The following PCDHA1 variants were observed in gnomAD, a reference collection of about 807,000 sequenced individuals.
The protein encoded by PCDHA1 is protocadherin alpha 1, also known as protocadherin alpha-1.
PCDHA1 carries 42 observed loss-of-function variants against 61.3 expected under a neutral mutation model. The observed-to-expected ratio is 0.69, with a 90% CI of 0.54 to 0.89. The LOEUF is 0.89. PCDHA1 is among the 40% of genes least tolerant of loss of function. PCDHA1 has a pLI of 0.00. For synonymous variants in PCDHA1, 610 were observed against 553.8 expected, an observed-to-expected ratio of 1.10 and a Z score of -1.43; for missense variants, 1,256 against 1,235.3, an observed-to-expected ratio of 1.02 and a Z score of -0.25.
At chr5:140,883,502 G>T in intron 1 of PCDHA1, 1 of 1,614,160 alleles carries the variant, frequency 6.2e-7, no homozygotes, top group Non-Finnish European at 8.5e-7. Context: ...GCTGGACAGC[G>T]CCCTGGACCG....
chr5:140,849,715 T>A (rs2150446343), intron 1 of PCDHA1: 2 of 1,598,584 alleles, frequency 1.3e-6, no homozygotes. Context: ...TACTACTCGT[T>A]GGTGCTGGAC....
chr5:140,928,998 CGT>C, intron 1 of PCDHA1: 1 of 1,613,902 alleles, frequency 6.2e-7, no homozygotes. Flanking sequence ...TACTTTTCTT[CGT>C]GTGTACCAAG....
intron 1 of PCDHA1, chr5:140,823,017 C>T: frequency 6.2e-7 from 1 of 1,614,228 alleles, no homozygotes; most frequent in Admixed American, 1.7e-5. Context: ...CCCTGGACCG[C>T]GAGAGCGTGT....
At chr5:140,963,198 A>G (rs2095745338) in intron 1 of PCDHA1, among the ~76,000 whole-genome samples, 1 of 151,784 alleles carries the variant, frequency 6.6e-6, no homozygotes, top group South Asian at 2.1e-4. Context: ...GTGAAAATGA[A>G]AAAAAAAACC....
At chr5:140,903,149 T>C (rs1329505317) in intron 1 of PCDHA1, among the ~76,000 whole-genome samples, 1 of 152,242 alleles carries the variant, frequency 6.6e-6, no homozygotes, top group Non-Finnish European at 1.5e-5. Context: ...CTGTTTTCCA[T>C]AGTGGTTGTG....
intron 1 of PCDHA1, among the ~76,000 whole-genome samples, chr5:140,881,833 A>G (rs1371458560): frequency 6.6e-6 from 1 of 152,252 alleles, no homozygotes; most frequent in Non-Finnish European, 1.5e-5. Flanking sequence ...AAAGTTCTGC[A>G]TGGAATTCTT....
At chr5:140,928,685 A>G (rs899513448) in intron 1 of PCDHA1, 36 of 1,614,050 alleles carry the variant, frequency 2.2e-5, no homozygotes, top group Non-Finnish European at 3.1e-5. Context: ...TGGCTTTCCT[A>G]CCACATCTCC....
intron 1 of PCDHA1, chr5:140,927,716 G>A (rs782756674): frequency 2.5e-6 from 4 of 1,614,072 alleles, no homozygotes; most frequent in Non-Finnish European, 3.4e-6. Context: ...CTAAGCAACA[G>A]CACGCAAGCA....
chr5:140,897,424 T>G (rs2066099863), intron 1 of PCDHA1, among the ~76,000 whole-genome samples: 1 of 148,866 alleles, frequency 6.7e-6, no homozygotes, highest in Non-Finnish European at 1.5e-5. Flanking sequence ...CATCTATGAG[T>G]GAGAACATGC....
intron 1 of PCDHA1, among the ~76,000 whole-genome samples, chr5:140,888,562 G>C (rs781854673): frequency 9.2e-5 from 14 of 152,112 alleles, no homozygotes; most frequent in Non-Finnish European, 1.8e-4. Context: ...TCCTTTCAAG[G>C]CTTCATTTTA....
At chr5:140,859,551 A>G (rs1258931011) in intron 1 of PCDHA1, 1 of 180,640 alleles carries the variant, frequency 5.5e-6, no homozygotes, top group African/African-American at 2.4e-5. Flanking sequence ...AGTGTTACCA[A>G]ACACCAATGC....
At chr5:140,791,426 T>C (rs981703778) in intron 1 of PCDHA1, among the ~76,000 whole-genome samples, 2 of 152,190 alleles carry the variant, frequency 1.3e-5, no homozygotes, top group Non-Finnish European at 1.5e-5. Flanking sequence ...AAAGCTGTCA[T>C]AGGAAGTCCC....
chr5:140,798,507 A>G (rs1332356110), intron 1 of PCDHA1, among the ~76,000 whole-genome samples: 1 of 152,172 alleles, frequency 6.6e-6, no homozygotes, highest in African/African-American at 2.4e-5. Flanking sequence ...CTTTATGTTA[A>G]TGGTTGATAA....
chr5:140,859,086 G>A (rs1474947917), intron 1 of PCDHA1: 3 of 150,424 alleles, frequency 2.0e-5, no homozygotes, highest in Non-Finnish European at 3.0e-5. Flanking sequence ...CTGTGTCAGT[G>A]TGTATTATTC....
chr5:140,982,623 C>T, intron 3 of PCDHA1, 60 bp downstream of exon 3: 1 of 1,583,652 alleles, frequency 6.3e-7, no homozygotes, highest in South Asian at 1.2e-5. Context: ...AGATGACCTA[C>T]TTTTGTAAGA....
chr5:140,822,412 G>A (rs1554128619), intron 1 of PCDHA1: 1 of 1,614,066 alleles, frequency 6.2e-7, no homozygotes, highest in South Asian at 1.1e-5. Context: ...ATTAGTGATT[G>A]CAACTGATGG....
intron 1 of PCDHA1, chr5:140,842,054 T>A (rs1461509081): frequency 6.2e-7 from 1 of 1,613,638 alleles, no homozygotes; most frequent in Non-Finnish European, 8.5e-7. Context: ...TTTCGAACAG[T>A]CTGAATACGA....
chr5:140,945,496 A>G (rs2093798194), intron 1 of PCDHA1, among the ~76,000 whole-genome samples: 1 of 152,142 alleles, frequency 6.6e-6, no homozygotes, highest in South Asian at 2.1e-4. Context: ...TACCCAAAGC[A>G]ATATTGAGCA....
At chr5:140,988,092 C>T (rs1266366711) in intron 3 of PCDHA1, among the ~76,000 whole-genome samples, 6 of 152,174 alleles carry the variant, frequency 3.9e-5, no homozygotes, top group East Asian at 1.9e-4. Flanking sequence ...AGTGCAGCCT[C>T]GGGCCTTGTT....
Sources: gnomAD v4.1 joint callset for allele counts (sites outside exome capture counted in the v4.1 genomes callset) on GRCh38, gnomAD v4.1.1 for gene constraint, MANE v1.5 for transcripts, NCBI Gene and HGNC (gene_info 2026-07-23, HGNC 2026-07-21) for gene names.